ATP2C1: variants seen among roughly 807,000 people sequenced by gnomAD.
ATP2C1 encodes the protein calcium-transporting ATPase type 2C member 1.
A neutral mutation model predicts 120.5 loss-of-function variants in ATP2C1; 31 were observed. The observed-to-expected ratio is 0.26, with a 90% confidence interval of 0.19 to 0.35. The LOEUF (loss-of-function observed/expected upper bound fraction) is 0.35. ATP2C1 is among the 10% of genes least tolerant of loss of function. ATP2C1 has a pLI of 1.00. For synonymous variants in ATP2C1, 351 were observed against 358.7 expected (o/e 0.98, Z 0.24); for missense variants, 731 against 1,107.5 (o/e 0.66, Z 4.83).
intron 11 of ATP2C1, among the ~76,000 whole-genome samples, chr3:130,956,552 G>A (rs2060589180): frequency 6.6e-6 from 1 of 151,074 alleles, no homozygotes; most frequent in Admixed American, 6.6e-5. Flanking sequence ...CTATTTTGTG[G>A]GAAAACATAT....
upstream of ATP2C1, among the ~76,000 whole-genome samples, chr3:130,893,797 C>T (rs1206463593): frequency 6.6e-6 from 1 of 152,202 alleles, no homozygotes; most frequent in Non-Finnish European, 1.5e-5. Flanking sequence ...CGGGCGGACA[C>T]CGTCCCTGGG....
At chr3:130,921,059 G>A (rs1373216529) in intron 2 of ATP2C1, among the ~76,000 whole-genome samples, 1 of 150,558 alleles carries the variant, frequency 6.6e-6, no homozygotes, top group African/African-American at 2.4e-5. Flanking sequence ...TTTAAAAATG[G>A]AATCTTGCGA....
At chr3:130,956,862 C>G (rs1300907617) in intron 11 of ATP2C1, among the ~76,000 whole-genome samples, 1 of 152,082 alleles carries the variant, frequency 6.6e-6, no homozygotes, top group East Asian at 1.9e-4. Flanking sequence ...CATTTTATGA[C>G]CTGCCAACGA....
rs771130302 is a variant in ATP2C1, at chr3:130,874,861, C to T, written c.108+23933C>T. Among the ~76,000 whole-genome samples, 60 of 152,162 alleles carry T rather than the reference C, an allele frequency of 3.9e-4. 1 individual carries two copies. The highest frequency in any genetic ancestry group is 1.4e-3 in the African/African-American group (56 of 41,444). On this transcript the variant is annotated intron_variant, in intron 1 of 26. Coordinates refer to the ATP2C1 transcript ENST00000504381. ...CCCCAGAATTTGATTCAGTAGGACTCGCCGGAGTGTGAGAATTTGCATTTC... is the reference window on the plus strand; with the variant it reads ...CCCCAGAATTTGATTCAGTAGGACTTGCCGGAGTGTGAGAATTTGCATTTC...
chr3:130,963,878 G>T, intron 12 of ATP2C1, 93 bp from the exon 13 acceptor site: 2 of 1,480,724 alleles, frequency 1.4e-6, no homozygotes, highest in Non-Finnish European at 9.4e-7. Flanking sequence ...TATTAATTTT[G>T]CGTTTTATTA....
At chr3:130,920,362 G>A (rs1234265758) in intron 2 of ATP2C1, among the ~76,000 whole-genome samples, 3 of 152,156 alleles carry the variant, frequency 2.0e-5, no homozygotes, top group Non-Finnish European at 4.4e-5. Flanking sequence ...TGTGTATGGT[G>A]TAAGAAAAGG....
At chr3:130,997,326 G>A (rs890984817) in intron 24 of ATP2C1, among the ~76,000 whole-genome samples, 9 of 152,044 alleles carry the variant, frequency 5.9e-5, no homozygotes, top group Admixed American at 5.2e-4. Flanking sequence ...ATTTCACACC[G>A]TATTTGAAAT....
At chr3:130,937,689 TTTA>T (rs1428628074) in intron 6 of ATP2C1, among the ~76,000 whole-genome samples, 1 of 152,178 alleles carries the variant, frequency 6.6e-6, no homozygotes, top group Non-Finnish European at 1.5e-5. Flanking sequence ...AATCTAGTTT[TTTA>T]TTTGATAATG....
intron 17 of ATP2C1, among the ~76,000 whole-genome samples, chr3:130,970,299 G>A (rs2061238344): frequency 1.3e-5 from 2 of 150,772 alleles, no homozygotes; most frequent in Admixed American, 6.6e-5. Context: ...CCTGGGAGGC[G>A]GAGGTTGCAG....
rs1476914868 is a variant in ATP2C1, at chr3:130,953,972, C to T, written c.683C>T (p.Ala228Val). Reference protein sequence around the residue: ...FMGTLVRCGKAKGVVIGTGEN... With the variant: ...FMGTLVRCGKVKGVVIGTGEN... ...GGAACACTGGTCAGATGTGGCAAAGCAAAGGTAAATTTTTTTCCTGATTTG... is the reference window on the plus strand; with the variant it reads ...GGAACACTGGTCAGATGTGGCAAAGTAAAGGTAAATTTTTTTCCTGATTTG... The change falls in exon 9 of 28, where the codon GCA becomes GTA. Residue 228 changes from alanine to valine, a missense_variant. Around this residue, in one of 3 missense-constraint regions of ATP2C1, gnomAD observed 571 missense variants for 845.9 expected, o/e 0.67. Coordinates refer to ENST00000510168, the MANE Select transcript of ATP2C1 (RefSeq NM_001378687.1). 4 of 1,613,808 alleles carry T rather than the reference C, an allele frequency of 2.5e-6. No homozygotes were observed. The highest frequency in any genetic ancestry group is 3.4e-6 in the Non-Finnish European group (4 of 1,179,904).
At chr3:130,988,424 CTT>C (rs568911328) in intron 20 of ATP2C1, among the ~76,000 whole-genome samples, 1 of 152,146 alleles carries the variant, frequency 6.6e-6, no homozygotes, top group Non-Finnish European at 1.5e-5. Context: ...GTTCTACTCT[CTT>C]TGATGATTTT....
chr3:130,895,750 G>A (rs897665289), intron 2 of ATP2C1, among the ~76,000 whole-genome samples: 1 of 152,196 alleles, frequency 6.6e-6, no homozygotes, highest in African/African-American at 2.4e-5. Flanking sequence ...TTGATTGTCT[G>A]ACTAGGACTA....
chr3:130,864,801 T>G (rs1350097826), intron 1 of ATP2C1, among the ~76,000 whole-genome samples: 1 of 152,192 alleles, frequency 6.6e-6, no homozygotes, highest in Non-Finnish European at 1.5e-5. Flanking sequence ...CCACCTAGAT[T>G]TCAGAAGATG....
At chr3:130,911,515 T>A (rs1380973125) in intron 2 of ATP2C1, among the ~76,000 whole-genome samples, 4 of 151,404 alleles carry the variant, frequency 2.6e-5, no homozygotes, top group African/African-American at 9.7e-5. Context: ...TTGCTCTTGC[T>A]TTTCTAGTTC....
intron 24 of ATP2C1, among the ~76,000 whole-genome samples, 162 bp from the exon 25 acceptor site, chr3:130,997,444 A>G (rs2062679324): frequency 6.6e-6 from 1 of 152,192 alleles, no homozygotes; most frequent in African/African-American, 2.4e-5. Context: ...TGACAAAATC[A>G]GTGGTTATTT....
intron 26 of ATP2C1, among the ~76,000 whole-genome samples, chr3:131,009,899 TAC>T: frequency 6.6e-6 from 1 of 152,236 alleles, no homozygotes; most frequent in African/African-American, 2.4e-5. Flanking sequence ...TTATTGAAAA[TAC>T]AGTGTCATAT....
At position 130,932,088 on chromosome 3, in the gene ATP2C1, G is replaced by A; in HGVS notation, c.184G>A (p.Glu62Lys). 1 of 1,613,062 alleles carries A rather than the reference G, an allele frequency of 6.2e-7. No homozygotes were observed. The highest frequency in any genetic ancestry group is 8.5e-7 in the Non-Finnish European group (1 of 1,179,200). The change falls in exon 4 of 28, where the codon GAG (glutamate) becomes AAG (lysine). Residue 62 changes from glutamate to lysine, a missense_variant. Glu to Lys is a moderately conservative substitution (Grantham distance 56). This residue lies in a region of ATP2C1 where 571 missense variants were observed against 845.9 expected (regional missense o/e 0.67). Transcript: ENST00000510168. ...SHRRAFHGWN[E>K]FDISEDEPLW... is the part of the protein sequence containing the mutation. ...TAGGCGAGCCTTTCATGGCTGGAAT[G>A]AGTTTGATATTAGTGAAGATGAGCC...
chr3:130,976,877 A>G (rs946867929), intron 18 of ATP2C1, among the ~76,000 whole-genome samples: 4 of 152,184 alleles, frequency 2.6e-5, no homozygotes, highest in African/African-American at 9.7e-5. Context: ...ACAATTGCCA[A>G]CTGACACTCT....
intron 12 of ATP2C1, 178 bp downstream of exon 12, chr3:130,959,519 T>C (rs1007962510): frequency 6.6e-6 from 3 of 453,724 alleles, no homozygotes; most frequent in Admixed American, 6.9e-5. Context: ...TGAAAATGTA[T>C]GTATATGGTA....
Sources: allele counts gnomAD v4.1 joint callset (sites outside exome capture counted in the v4.1 genomes callset), GRCh38; gene constraint gnomAD v4.1.1; regional missense constraint gnomAD v4.1.1; transcripts MANE v1.5; gene names NCBI Gene and HGNC (gene_info 2026-07-23, HGNC 2026-07-21).